FAM184B: variants seen among roughly 807,000 people sequenced by gnomAD.
FAM184B encodes the protein family with sequence similarity 184 member B, also known as protein FAM184B.
A neutral mutation model predicts 135.9 loss-of-function variants in FAM184B; 111 were observed. That is an observed-to-expected ratio of 0.82 (90% CI 0.70 to 0.96). The LOEUF (loss-of-function observed/expected upper bound fraction) is 0.96. Among genes scored for constraint, FAM184B ranks in the 40% least tolerant of loss-of-function variants. The pLI is 0.00. For synonymous variants in FAM184B, 552 were observed against 524.8 expected (o/e 1.05, Z -0.71); for missense variants, 1,375 against 1,323.9 (o/e 1.04, Z -0.60).
intron 17 of FAM184B, 89 bp from the exon 18 acceptor site, chr4:17,632,714 T>C (rs1270630318): frequency 4.5e-6 from 4 of 885,878 alleles, no homozygotes; most frequent in South Asian, 1.5e-5. Flanking sequence ...GAAAGATAAC[T>C]GCTTGTTTAC....
At chr4:17,679,052 C>G (rs1446428888) in intron 7 of FAM184B, among the ~76,000 whole-genome samples, 5 of 152,158 alleles carry the variant, frequency 3.3e-5, no homozygotes, top group African/African-American at 7.2e-5. Flanking sequence ...AGACTTAAAT[C>G]TAAGACCCAA....
At chr4:17,775,432 G>T (rs529726822) in intron 1 of FAM184B, among the ~76,000 whole-genome samples, 1 of 152,066 alleles carries the variant, frequency 6.6e-6, no homozygotes, top group East Asian at 1.9e-4. Context: ...TGATCTGCCC[G>T]CCTCGGCCTC....
intron 8 of FAM184B, 29 bp from the exon 9 acceptor site, chr4:17,660,116 A>G (rs878949756): frequency 1.3e-6 from 2 of 1,550,366 alleles, no homozygotes; most frequent in South Asian, 2.4e-5. Flanking sequence ...CACAATCACA[A>G]AAGATCCTAG....
chr4:17,642,185 G>A lies in FAM184B; in HGVS notation c.2390C>T (p.Ala797Val). 1 of 1,529,406 alleles carries A rather than the reference G, an allele frequency of 6.5e-7. No homozygotes were observed. Among genetic ancestry groups the A allele is most frequent in the African/African-American group, 1.4e-5 (1 of 71,826 alleles). 94.7% of individuals were successfully genotyped at this position (1,529,406 alleles called of 1,614,324 possible). A position where few individuals can be genotyped will look rare whatever the true frequency, so the allele number is the denominator to read the frequency against. Residue 797 changes from alanine to valine, a missense_variant, in exon 13 of 18, where the codon GCT (alanine) becomes GTT (valine). Ala to Val is a moderately conservative substitution (Grantham distance 64). Coordinates refer to ENST00000265018, the MANE Select transcript of FAM184B (RefSeq NM_015688.2). ...PGQAGSPPGA[A>V]GQGSGEGCGL... ...GCATCCCTCGCCGGAACCCTGCCCAGCAGCGCCCGGTGGGGAGCCGGCCTG... is the reference window on the plus strand; with the variant it reads ...GCATCCCTCGCCGGAACCCTGCCCAACAGCGCCCGGTGGGGAGCCGGCCTG...
At position 17,665,805 on chromosome 4, in the gene FAM184B, G is replaced by C. The variant is rs1716034202; in HGVS notation, c.1597-1146C>G. On this transcript the variant is annotated intron_variant, in intron 7 of 17. Coordinates refer to ENST00000265018, the MANE Select transcript of FAM184B (RefSeq NM_015688.2). ...TTGCCAAATCCAATGGTCGATTCTT[G>C]GGTCTGCACTAACGGGGACTCCCAG... Among the ~76,000 whole-genome samples, 4 of 152,104 alleles carry C rather than the reference G, an allele frequency of 2.6e-5. No homozygotes were observed. In the South Asian group the frequency reaches 8.3e-4, roughly 32 times the overall value.
intron 8 of FAM184B, among the ~76,000 whole-genome samples, chr4:17,660,989 A>T (rs1715905391): frequency 6.6e-6 from 1 of 152,068 alleles, no homozygotes; most frequent in East Asian, 1.9e-4. Context: ...AGAGACAGAC[A>T]ATGGGGACCC....
intron 1 of FAM184B, among the ~76,000 whole-genome samples, chr4:17,729,831 A>T (rs1468383030): frequency 6.6e-6 from 1 of 152,236 alleles, no homozygotes; most frequent in Non-Finnish European, 1.5e-5. Context: ...AGAGCAGAAA[A>T]ACTGGAAACT....
intron 1 of FAM184B, among the ~76,000 whole-genome samples, chr4:17,780,720 G>T (rs1405888009): frequency 3.9e-5 from 6 of 152,090 alleles, no homozygotes; most frequent in Non-Finnish European, 7.4e-5. Context: ...CAAGCTGCTG[G>T]CACTCAACAA....
intron 1 of FAM184B, among the ~76,000 whole-genome samples, chr4:17,754,910 G>A (rs1718385789): frequency 6.6e-6 from 1 of 151,760 alleles, no homozygotes; most frequent in African/African-American, 2.4e-5. Context: ...GTCTGGCTCT[G>A]TCACCCAGGC....
chr4:17,698,072 A>G (rs930901674), intron 5 of FAM184B, among the ~76,000 whole-genome samples: 2 of 151,846 alleles, frequency 1.3e-5, no homozygotes, highest in Admixed American at 6.6e-5. Flanking sequence ...TAACTCAGGT[A>G]AAGAGAAAAA....
At chr4:17,723,246 C>T (rs1013393184) in intron 1 of FAM184B, among the ~76,000 whole-genome samples, 8 of 152,158 alleles carry the variant, frequency 5.3e-5, no homozygotes, top group Non-Finnish European at 1.0e-4. Context: ...CCACTATTCG[C>T]AGCAGAGAAA....
chr4:17,647,270 T>G (rs1279213388), intron 12 of FAM184B, among the ~76,000 whole-genome samples: 2 of 104,318 alleles, frequency 1.9e-5, no homozygotes, highest in African/African-American at 3.9e-5. Flanking sequence ...TTTTTTTTTT[T>G]GAGACAGGGT....
At chr4:17,641,222 C>G (rs532651247) in intron 13 of FAM184B, among the ~76,000 whole-genome samples, 1 of 152,178 alleles carries the variant, frequency 6.6e-6, no homozygotes, top group East Asian at 1.9e-4. Flanking sequence ...GCGTGAGCTA[C>G]CACGCCAGCC....
chr4:17,776,799 T>C (rs1292758007), intron 1 of FAM184B, among the ~76,000 whole-genome samples: 1 of 152,078 alleles, frequency 6.6e-6, no homozygotes, highest in East Asian at 1.9e-4. Context: ...GGAAGACATT[T>C]CAGGTGAGGA....
chr4:17,710,568 G>T (rs993074987), intron 1 of FAM184B, among the ~76,000 whole-genome samples: 43 of 152,132 alleles, frequency 2.8e-4, no homozygotes, highest in African/African-American at 9.7e-4. Flanking sequence ...GGCACATCTA[G>T]GAAAAGTCCC....
chr4:17,703,756 C>A (rs552148148), intron 5 of FAM184B, among the ~76,000 whole-genome samples: 2 of 151,942 alleles, frequency 1.3e-5, no homozygotes, highest in Non-Finnish European at 2.9e-5. Context: ...CATGGTGAAA[C>A]CCTGTCTCTA....
intron 5 of FAM184B, among the ~76,000 whole-genome samples, chr4:17,701,870 AG>A (rs1716992463): frequency 6.6e-6 from 1 of 152,218 alleles, no homozygotes; most frequent in Admixed American, 6.5e-5. Flanking sequence ...CCAGTAGGGT[AG>A]CCACTGGCCA....
intron 7 of FAM184B, among the ~76,000 whole-genome samples, chr4:17,677,176 T>C (rs1054227011): frequency 5.3e-5 from 8 of 152,120 alleles, no homozygotes; most frequent in Non-Finnish European, 1.0e-4. Context: ...GCCTCCCAAG[T>C]AGCTGGGACT....
At chr4:17,767,264 G>C (rs1049258065) in intron 1 of FAM184B, among the ~76,000 whole-genome samples, 3 of 152,220 alleles carry the variant, frequency 2.0e-5, no homozygotes, top group Admixed American at 6.5e-5. Flanking sequence ...GCAGTGCAGC[G>C]GTGGGCTGAA....
Sources: gnomAD v4.1 joint callset for allele counts (sites outside exome capture counted in the v4.1 genomes callset) on GRCh38, gnomAD v4.1.1 for gene constraint, MANE v1.5 for transcripts, NCBI Gene and HGNC (gene_info 2026-07-23, HGNC 2026-07-21) for gene names.